Variants in AHNAK2 observed in about 807,000 individuals in gnomAD.
AHNAK2 encodes protein AHNAK2.
AHNAK2 carries 18 observed loss-of-function variants against 30.7 expected under a neutral mutation model. The observed-to-expected ratio is 0.59, with a 90% CI of 0.41 to 0.87. AHNAK2 has a LOEUF of 0.87. Among genes scored for constraint, AHNAK2 ranks in the 40% least tolerant of loss-of-function variants. AHNAK2 has a pLI of 0.00. For synonymous variants in AHNAK2, 3,590 were observed against 3,073.8 expected (o/e 1.17, Z -5.56); for missense variants, 8,604 against 7,373.0 (o/e 1.17, Z -6.11).
Position 104,952,638 on chromosome 14 carries a change from A to C in AHNAK2, c.2813T>G (p.Val938Gly), listed in dbSNP as rs1374098154. 1 of 1,611,450 alleles carries C rather than the reference A, an allele frequency of 6.2e-7. No homozygotes were observed. The highest frequency in any genetic ancestry group is 1.7e-4 in the Middle Eastern group (1 of 6,042). ...TTTCAGGTCCAGCTTGGGGCCCTTA[A>C]CATCTATCTGGGGGCCCTTGAGGTC... ...KVDLKGPQIDVKGPKLDLKGP... is the reference protein window; with the variant it reads ...KVDLKGPQIDGKGPKLDLKGP... The change falls in exon 7 of 7, where the codon GTT (valine) becomes GGT (glycine). Residue 938 changes from valine to glycine, a missense_variant. By Grantham distance (109) the Val-to-Gly change is moderately radical. Transcript: ENST00000333244.
Position 104,948,229 on chromosome 14 carries a change from T to A in AHNAK2, c.7222A>T (p.Ser2408Cys), listed in dbSNP as rs765191028. Reference sequence around the variant, plus strand: ...AGATCTACTTTGGGCATCTTGAAACTGGGCATCTGCAGCTTGGGCAGGTGC... The same window carrying A: ...AGATCTACTTTGGGCATCTTGAAACAGGGCATCTGCAGCTTGGGCAGGTGC... ...KGHLPKLQMP[S>C]FKMPKVDLKG... The change falls in exon 7 of 7, where the codon AGT becomes TGT. Residue 2408 changes from serine (S) to cysteine (C), a missense_variant. By Grantham distance (112) the Ser-to-Cys change is moderately radical (BLOSUM62 -1). Transcript: ENST00000333244. 13 of 1,612,424 alleles carry A rather than the reference T, an allele frequency of 8.1e-6. No homozygotes were observed. The East Asian group carries it at 2.7e-4, about 33-fold the overall frequency.
intron 1 of AHNAK2, among the ~76,000 whole-genome samples, chr14:104,972,896 G>C (rs1326719445): frequency 6.6e-6 from 1 of 152,252 alleles, no homozygotes; most frequent in East Asian, 1.9e-4. Context: ...CAAGGGATGG[G>C]GTCAGGCTGG....
rs767068613 is a variant in AHNAK2 at position 104,952,504 on chromosome 14, C to T, written c.2947G>A (p.Asp983Asn). 5.6e-6 allele frequency: 9 copies of T among 1,612,762 alleles called. No homozygotes were observed. The South Asian group carries it at 6.6e-5, about 12-fold the overall frequency. ...ACGTCCTTGTCGGCCAGGGACAGGT[C>T]CCCCTCCAGCCACGCACCATCCAGC... ...AKLDGAWLEG[D>N]LSLADKDVTA... Residue 983 changes from aspartate (D) to asparagine (N), a missense_variant, in exon 7 of 7, where the codon GAC becomes AAC. Asp to Asn is a conservative substitution (Grantham distance 23). Transcript: ENST00000333244.
chr14:104,953,814 T>C lies in AHNAK2; in HGVS notation c.1637A>G (p.His546Arg), dbSNP rs375555715. ...GWMPGREPTT[H>R]AEAQGDEGDG... is the part of the protein sequence containing the mutation. The stretch of plus-strand genomic sequence containing the variant: ...TCCTTCATCCCCCTGTGCTTCTGCA[T>C]GTGTGGTTGGTTCCCTGCCCGGCAT... Residue 546 changes from histidine to arginine, a missense_variant, in exon 7 of 7, where the codon CAT (histidine) becomes CGT (arginine). By Grantham distance (29) the His-to-Arg change is conservative. Coordinates refer to ENST00000333244, the MANE Select transcript of AHNAK2 (RefSeq NM_138420.4). 1.2e-6 allele frequency: 2 copies of C among 1,613,848 alleles called. No individual in the cohort carries two copies. The highest frequency in any genetic ancestry group is 1.3e-5 in the African/African-American group (1 of 74,914).
At position 104,945,487 on chromosome 14, in the gene AHNAK2, C is replaced by G. The variant is rs758937478; in HGVS notation, c.9964G>C (p.Ala3322Pro). ...GAGGCCTGGATGGACTTGCCTGGGG[C>G]AGACGCCCTGTACGACGGCATCTTG... ...KFKMPSYRAS[A>P]PGKSIQASVD... The change falls in exon 7 of 7, where the codon GCC (alanine) becomes CCC (proline). Residue 3322 changes from alanine (A) to proline (P), a missense_variant. By Grantham distance (27) the Ala-to-Pro change is conservative. Transcript: ENST00000333244. 1 of 1,613,366 alleles carries G rather than the reference C, an allele frequency of 6.2e-7. No individual in the cohort carries two copies. Among genetic ancestry groups the G allele is most frequent in the South Asian group, 1.1e-5 (1 of 91,048 alleles).
Position 104,946,484 on chromosome 14 carries a change from C to A in AHNAK2, c.8967G>T (p.Gly2989=). 1 of 1,612,514 alleles carries A rather than the reference C, an allele frequency of 6.2e-7. No individual in the cohort carries two copies. The highest frequency in any genetic ancestry group is 8.5e-7 in the Non-Finnish European group (1 of 1,179,488). ...CAATGGACTTGCCTGGGGCAGACAC[C>A]CCGAACGACGGCATCTTGAACTTGG... ...KMPKFKMPSF[G]VSAPGKSIEV... The change falls in exon 7 of 7, where the codon GGG becomes GGT. Residue 2989 remains glycine, a synonymous_variant. Transcript: ENST00000333244.
At chr14:104,969,657 A>G (rs775749103) in intron 1 of AHNAK2, among the ~76,000 whole-genome samples, 1 of 152,152 alleles carries the variant, frequency 6.6e-6, no homozygotes, top group Non-Finnish European at 1.5e-5. Context: ...TGAGGGTGGG[A>G]GCCAGTTGAT....
In AHNAK2 at chr14:104,941,815, G is replaced by T; in HGVS notation, c.13636C>A (p.Leu4546Met). ...MPEVAGLKGH[L>M]PKVEMPSFKM... Reference sequence around the variant, plus strand: ...AAACTGGGCATCTCCACCTTGGGCAGGTGCCCTTTGAGGCCGGCTACCTCG... The same window carrying T: ...AAACTGGGCATCTCCACCTTGGGCATGTGCCCTTTGAGGCCGGCTACCTCG... Residue 4546 changes from leucine to methionine, a missense_variant, in exon 7 of 7, where the codon CTG becomes ATG. Coordinates refer to ENST00000333244, the MANE Select transcript of AHNAK2 (RefSeq NM_138420.4). 6.2e-7 allele frequency: 1 copy of T among 1,613,424 alleles called. No homozygotes were observed. Among genetic ancestry groups the T allele is most frequent in the Non-Finnish European group, 8.5e-7 (1 of 1,179,682 alleles).
At position 104,978,353 on chromosome 14, in the gene AHNAK2, C is replaced by G. The variant is rs987851050; in HGVS notation, c.-116G>C. On this transcript the variant is annotated 5_prime_UTR_variant, in exon 1 of 7. Coordinates refer to ENST00000333244, the MANE Select transcript of AHNAK2 (RefSeq NM_138420.4). ...GCTCTGCCCCGCTGCCCTGCGCTGC[C>G]GCGGGCGGCCGACCTCGGACTGCGG... is the stretch of plus-strand genomic sequence containing the variant. 4.0e-6 allele frequency: 3 copies of G among 748,978 alleles called. No individual in the cohort carries two copies. The highest frequency in any genetic ancestry group is 5.0e-6 in the Non-Finnish European group (3 of 604,330). 46.4% of individuals were successfully genotyped at this position (748,978 alleles called of 1,614,324 possible).
At position 104,944,975 on chromosome 14, in the gene AHNAK2, G is replaced by A. The variant is rs762322347; in HGVS notation, c.10476C>T (p.Ile3492=). The change falls in exon 7 of 7, where the codon ATC becomes ATT. Residue 3492 remains isoleucine, a synonymous_variant. Coordinates refer to ENST00000333244, the MANE Select transcript of AHNAK2 (RefSeq NM_138420.4). ...GCGCAGACACATCCAGCGAGGCCTCGATGGACCTGCCTGGGGCCGACACCC... is the reference window on the plus strand; with the variant it reads ...GCGCAGACACATCCAGCGAGGCCTCAATGGACCTGCCTGGGGCCGACACCC... ...SFGVSAPGRS[I]EASLDVSAPK... is the part of the protein sequence containing the mutation. 43 of 1,612,432 alleles carry A rather than the reference G, an allele frequency of 2.7e-5. No individual in the cohort carries two copies. The highest frequency in any genetic ancestry group is 1.2e-4 in the Admixed American group (7 of 59,888).
At position 104,946,932 on chromosome 14, in the gene AHNAK2, T is replaced by G. The variant is rs199533869; in HGVS notation, c.8519A>C (p.Glu2840Ala). 1.6e-4 allele frequency: 250 copies of G among 1,610,112 alleles called. No individual in the cohort carries two copies. Among genetic ancestry groups the G allele is most frequent in the Middle Eastern group, 6.6e-4 (4 of 6,070 alleles). ...KSIEASVDVS[E>A]LKVEADGSFP... ...GCTCCCGTCAGCTTCCACCTTCAGC[T>G]CAGACACATCCACCGAGGCCTCGAT... Residue 2840 changes from glutamate to alanine, a missense_variant, in exon 7 of 7, where the codon GAG becomes GCG. Coordinates refer to ENST00000333244, the MANE Select transcript of AHNAK2 (RefSeq NM_138420.4).
intron 1 of AHNAK2, among the ~76,000 whole-genome samples, chr14:104,975,778 G>A (rs555134710): frequency 4.6e-5 from 7 of 152,248 alleles, no homozygotes; most frequent in East Asian, 1.9e-4. Flanking sequence ...GCTGTCACTC[G>A]GCATCCCTGG....
In AHNAK2 at chr14:104,950,197, G is replaced by T; in HGVS notation, c.5254C>A (p.Pro1752Thr). 6.3e-7 allele frequency: 1 copy of T among 1,585,956 alleles called. No homozygotes were observed. Among genetic ancestry groups the T allele is most frequent in the Non-Finnish European group, 8.6e-7 (1 of 1,162,846 alleles). ...TGGGGGCCCTTGAGGGCCACTTTGG[G>T]CATCTTCAAACTGGGCATCTGCACC... ...PKVQMPSLKMPKVALKGPQMD... is the reference protein window; with the variant it reads ...PKVQMPSLKMTKVALKGPQMD... The change falls in exon 7 of 7, where the codon CCC becomes ACC. Residue 1752 changes from proline (P) to threonine (T), a missense_variant. Physicochemically the swap from Pro to Thr is conservative, Grantham distance 38. Transcript: ENST00000333244.
intron 1 of AHNAK2, among the ~76,000 whole-genome samples, chr14:104,960,634 G>A (rs2140874322): frequency 6.6e-6 from 1 of 152,276 alleles, no homozygotes; most frequent in Non-Finnish European, 1.5e-5. Context: ...GCCTGGGGCT[G>A]GGAGTGGGAA....
rs751903298 is a variant in AHNAK2 at position 104,948,647 on chromosome 14, G to C, written c.6804C>G (p.Pro2268=). The change falls in exon 7 of 7, where the codon CCC becomes CCG. Residue 2268 remains proline, a synonymous_variant. Transcript: ENST00000333244. ...CATCAGGGGCTGTCACTTCCACCTTGGGGTCTTTTAGGTCCAGCTTGGGGC... is the reference window on the plus strand; with the variant it reads ...CATCAGGGGCTGTCACTTCCACCTTCGGGTCTTTTAGGTCCAGCTTGGGGC... The part of the protein sequence containing the change: ...IKGPKLDLKD[P]KVEVTAPDVE... 2.5e-6 allele frequency: 4 copies of C among 1,612,150 alleles called. No homozygotes were observed. The highest frequency in any genetic ancestry group is 1.7e-5 in the Admixed American group (1 of 59,858).
rs752817914 is a variant in AHNAK2 at position 104,953,204 on chromosome 14, G to A, written c.2247C>T (p.Pro749=). The A allele has an allele frequency of 2.3e-5, 37 of 1,612,586 alleles. No homozygotes were observed. The highest frequency in any genetic ancestry group is 5.0e-5 in the Admixed American group (3 of 59,922). Residue 749 remains proline, a synonymous_variant, in exon 7 of 7, where the codon CCC becomes CCT. Transcript: ENST00000333244. ...GGTGCCCTTTGAGGCTGGCTCCCTC[G>A]GGCAGGGGGCCCTCCGGAAGTTTCA... The part of the protein sequence containing the change: ...VDVKLPEGPL[P]EGASLKGHLP...
At chr14:104,957,569 G>A in intron 2 of AHNAK2, 45 bp downstream of exon 2, 1 of 1,600,624 alleles carries the variant, frequency 6.2e-7, no homozygotes, top group South Asian at 1.1e-5. Flanking sequence ...AGGGAGAATG[G>A]GGGCAGGGTA....
Position 104,945,375 on chromosome 14 carries a change from T to G in AHNAK2, c.10076A>C (p.Gln3359Pro). 6.2e-7 allele frequency: 1 copy of G among 1,612,532 alleles called. No individual in the cohort carries two copies. The highest frequency in any genetic ancestry group is 8.5e-7 in the Non-Finnish European group (1 of 1,179,482). Residue 3359 changes from glutamine (Q) to proline (P), a missense_variant, in exon 7 of 7, where the codon CAG becomes CCG. Coordinates refer to ENST00000333244, the MANE Select transcript of AHNAK2 (RefSeq NM_138420.4). The stretch of plus-strand genomic sequence containing the variant: ...GACCTCCAGGTCCACAGAAGGGAGC[T>G]GAATGCTGAGGTCAGTGGTCTTGAG... ...GDLKTTDLSI[Q>P]LPSVDLEVQA... is the part of the protein sequence containing the mutation.
chr14:104,939,008 G>T lies in AHNAK2; in HGVS notation c.16443C>A (p.Ser5481Arg). The T allele has an allele frequency of 1.2e-6, 2 of 1,610,780 alleles. No homozygotes were observed. Among genetic ancestry groups the T allele is most frequent in the Admixed American group, 1.7e-5 (1 of 59,540 alleles). The change falls in exon 7 of 7, where the codon AGC (serine) becomes AGA (arginine). Residue 5481 changes from serine (S) to arginine (R), a missense_variant. Ser to Arg is a moderately radical substitution (Grantham distance 110). Transcript: ENST00000333244. The part of the protein sequence containing the change: ...QVESQEVTIH[S>R]IVTPEFVDLS... ...GATCTACAAACTCTGGTGTCACTAT[G>T]CTGTGTATAGTGACCTCTTGACTTT...
Sources: gnomAD v4.1 joint callset for allele counts (sites outside exome capture counted in the v4.1 genomes callset) on GRCh38, gnomAD v4.1.1 for gene constraint, MANE v1.5 for transcripts, NCBI Gene and HGNC (gene_info 2026-07-23, HGNC 2026-07-21) for gene names.